The following PAN2 variants were observed in gnomAD, a reference collection of about 807,000 sequenced individuals.
The protein encoded by PAN2 is poly(A) specific ribonuclease subunit PAN2.
PAN2 carries 68 observed loss-of-function variants against 133.3 expected under a neutral mutation model. That is an observed-to-expected ratio of 0.51 (90% CI 0.42 to 0.62). PAN2 has a LOEUF of 0.62. PAN2 is among the 20% of genes least tolerant of loss of function. The pLI, the probability that PAN2 is intolerant of heterozygous loss-of-function variation, is 0.00. For missense variants in PAN2, 1,042 were observed against 1,500.5 expected (o/e 0.69, Z 5.05); for synonymous variants, 462 against 544.6 (o/e 0.85, Z 2.11).
At chr12:56,318,537 C>T in intron 24 of PAN2, 103 bp from the exon 25 acceptor site, 2 of 804,668 alleles carry the variant, frequency 2.5e-6, no homozygotes, top group East Asian at 2.5e-5. Context: ...GCCTGACTGC[C>T]CTTAAGGAAA....
intron 7 of PAN2, 41 bp from the exon 8 acceptor site, chr12:56,326,450 G>C: frequency 1.3e-6 from 2 of 1,547,668 alleles, no homozygotes; most frequent in Non-Finnish European, 1.8e-6. Context: ...GAGTTGTGGT[G>C]TACACTGGTC....
At chr12:56,318,955 T>A (rs920408219) in intron 24 of PAN2, 133 bp downstream of exon 24, 1 of 766,292 alleles carries the variant, frequency 1.3e-6, no homozygotes, top group African/African-American at 1.7e-5. Context: ...TGATTTTCTG[T>A]TTCTGAGTTA....
At chr12:56,332,607 A>C in intron 2 of PAN2, 1 of 548,504 alleles carries the variant, frequency 1.8e-6, no homozygotes, top group Non-Finnish European at 3.2e-6. Flanking sequence ...CTCGAAAAAA[A>C]AAAAAAAAAA....
At chr12:56,324,858 A>G (rs931826082) in intron 10 of PAN2, 149 bp from the exon 11 acceptor site, 1 of 1,350,578 alleles carries the variant, frequency 7.4e-7, no homozygotes, top group African/African-American at 1.5e-5. Context: ...CTCAGAGGAG[A>G]CTTGAAAGTT....
At chr12:56,328,793 C>T in intron 2 of PAN2, 152 bp from the exon 3 acceptor site, 2 of 604,996 alleles carry the variant, frequency 3.3e-6, no homozygotes, top group East Asian at 5.5e-5. Context: ...AGGAACCAGT[C>T]AATCTTAGTG....
At chr12:56,318,995 A>C in intron 24 of PAN2, 93 bp downstream of exon 24, 1 of 1,194,796 alleles carries the variant, frequency 8.4e-7, no homozygotes. Context: ...CCACAGCTCC[A>C]TCCATGTTGC....
At chr12:56,320,705 C>G (rs1255112633) in intron 20 of PAN2, among the ~76,000 whole-genome samples, 1 of 151,336 alleles carries the variant, frequency 6.6e-6, no homozygotes, top group Admixed American at 6.6e-5. Flanking sequence ...AACATCCCCC[C>G]CTCATCTCAT....
At position 56,317,546 on chromosome 12, in the gene PAN2, T is replaced by G. The variant is rs531451144; in HGVS notation, c.*63A>C. ...AAGGTATAGCCAACTTAGGAAGCCA[T>G]CTCCCAGTTCTGGGGCTATAGAACA... On this transcript the variant is annotated 3_prime_UTR_variant, in exon 26 of 26. Coordinates refer to ENST00000440411, the MANE Select transcript of PAN2 (RefSeq NM_014871.6). 3.3e-4 allele frequency: 480 copies of G among 1,450,822 alleles called. 3 individuals are homozygous for G. The highest frequency in any genetic ancestry group is 2.0e-4 in the Non-Finnish European group (205 of 1,033,466). The allele number at this position is 1,450,822 out of a possible 1,614,324, so 89.9% of individuals were successfully genotyped here. A position where few individuals can be genotyped will look rare whatever the true frequency, so the allele number is the denominator to read the frequency against.
intron 14 of PAN2, 44 bp downstream of exon 14, chr12:56,323,763 C>T (rs1368083168): frequency 6.6e-7 from 1 of 1,505,376 alleles, no homozygotes; most frequent in African/African-American, 1.4e-5. Context: ...GCTGAATCTC[C>T]ATGGCAGGAC....
rs561708228 is a variant in PAN2, at chr12:56,323,668, T to C, written c.2173-70A>G. The C allele has an allele frequency of 8.4e-4, 1,250 of 1,493,854 alleles. 6 individuals carry two copies. The highest frequency in any genetic ancestry group is 3.9e-3 in the Middle Eastern group (23 of 5,842). 92.5% of individuals were successfully genotyped at this position (1,493,854 alleles called of 1,614,324 possible). On this transcript the variant is annotated intron_variant, in intron 14 of 25. Transcript: ENST00000440411. ...AAAGGAGTCTGGACAGGGACCTGGG[T>C]CTGCGTCTTCAAACTGGGATTCCTC...
intron 10 of PAN2, 65 bp from the exon 11 acceptor site, chr12:56,324,774 T>A (rs1358572189): frequency 9.0e-6 from 14 of 1,550,124 alleles, no homozygotes; most frequent in Non-Finnish European, 1.1e-5. Flanking sequence ...AATATGGAGG[T>A]TAAGTGAGCT....
chr12:56,327,370 G>C lies in PAN2; in HGVS notation c.913C>G (p.Gln305Glu). 6.2e-7 allele frequency: 1 copy of C among 1,614,086 alleles called. No individual in the cohort carries two copies. The highest frequency in any genetic ancestry group is 8.5e-7 in the Non-Finnish European group (1 of 1,179,928). ...TCCCATATGCCCTTCATACCTGACT[G>C]AGAGATGATAGCAAGACGAGAAGTA... ...TYTSRLAIISQSGQCQFCEPT... is the reference protein window; with the variant it reads ...TYTSRLAIISESGQCQFCEPT... Residue 305 changes from glutamine (Q) to glutamate (E), a missense_variant, in exon 6 of 26, where the codon CAG becomes GAG. Around this residue, in one of 3 missense-constraint regions of PAN2, gnomAD observed 908 missense variants for 1,223.5 expected, o/e 0.74. Transcript: ENST00000440411.
At chr12:56,326,250 G>T in intron 8 of PAN2, 63 bp downstream of exon 8, 3 of 1,434,684 alleles carry the variant, frequency 2.1e-6, no homozygotes, top group South Asian at 1.3e-5. Flanking sequence ...GACTAGTAAA[G>T]GAAAAAGATA....
chr12:56,325,155 C>G lies in PAN2; in HGVS notation c.1480-27G>C, dbSNP rs117387592. The stretch of plus-strand genomic sequence containing the variant: ...TAAGGTAGAAATTGTCTGAGCAAGA[C>G]AAGGATATTCTCAGAGTCCCCAAAT... On this transcript the variant is annotated intron_variant, in intron 9 of 25. Coordinates refer to ENST00000440411, the MANE Select transcript of PAN2 (RefSeq NM_014871.6). 182 of 1,610,330 alleles carry G rather than the reference C, an allele frequency of 1.1e-4. 2 individuals carry two copies. The East Asian group carries it at 4.0e-3, about 35-fold the overall frequency.
At chr12:56,325,763 G>A (rs578256092) in intron 8 of PAN2, among the ~76,000 whole-genome samples, 9 of 152,264 alleles carry the variant, frequency 5.9e-5, no homozygotes, top group African/African-American at 1.2e-4. Flanking sequence ...TCAAAGCTTC[G>A]CAATCTGGCC....
rs1375045576 is a variant in PAN2, at chr12:56,324,154, C to A, written c.1960G>T (p.Gly654Trp). The A allele has an allele frequency of 6.2e-7, 1 of 1,613,958 alleles. No individual in the cohort carries two copies. The highest frequency in any genetic ancestry group is 8.5e-7 in the Non-Finnish European group (1 of 1,180,022). The change falls in exon 13 of 26, where the codon GGG becomes TGG. Residue 654 changes from glycine (G) to tryptophan (W), a missense_variant. Gly to Trp is a radical substitution (Grantham distance 184, BLOSUM62 -2). Coordinates refer to ENST00000440411, the MANE Select transcript of PAN2 (RefSeq NM_014871.6). ...TCCATCTCACAGCTGAAGAGCTGCC[C>A]AATAACAGAGTCCCCCGATGAGCAA... ...SFCSSGDSVIGQLFSCEMENC... is the reference protein window; with the variant it reads ...SFCSSGDSVIWQLFSCEMENC...
At chr12:56,322,807 G>C (rs767865291) in intron 17 of PAN2, 49 bp from the exon 18 acceptor site, 111 of 1,585,868 alleles carry the variant, frequency 7.0e-5, no homozygotes, top group Non-Finnish European at 9.4e-5. Context: ...GGATGGGGAA[G>C]GGAGGGGAAT....
chr12:56,328,237 C>T lies in PAN2; in HGVS notation c.573+1G>A. 1 of 1,589,150 alleles carries T rather than the reference C, an allele frequency of 6.3e-7. No individual in the cohort carries two copies. Among genetic ancestry groups the T allele is most frequent in the Non-Finnish European group, 8.6e-7 (1 of 1,166,020 alleles). On this transcript the variant is annotated splice_donor_variant, in intron 4 of 25. Transcript: ENST00000440411. LOFTEE classifies it high-confidence loss of function. ...AGGTCTTTCTTGCCCCAAGCTTGTA[C>T]CTTCTGAGTCTCCTGGACAGTGTTA...
Position 56,328,306 on chromosome 12 carries a change from G to C in PAN2, c.505C>G (p.Leu169Val). Residue 169 changes from leucine (L) to valine (V), a missense_variant, in exon 4 of 26, where the codon CTA (leucine) becomes GTA (valine). By Grantham distance (32) the Leu-to-Val change is conservative. Around this residue, in one of 3 missense-constraint regions of PAN2, gnomAD observed 908 missense variants for 1,223.5 expected, o/e 0.74. Transcript: ENST00000440411. ...TGATTCTGCAGCCCACCAACGAGTA[G>C]AGTGCTGCTGTCAGTCAGTAGGAGA... ...HSLLLTDSST[L>V]LVGGLQNHII... 1 of 1,610,020 alleles carries C rather than the reference G, an allele frequency of 6.2e-7. No individual in the cohort carries two copies. Among genetic ancestry groups the C allele is most frequent in the Non-Finnish European group, 8.5e-7 (1 of 1,177,714 alleles).
Sources: allele counts gnomAD v4.1 joint callset (sites outside exome capture counted in the v4.1 genomes callset), GRCh38; gene constraint gnomAD v4.1.1; regional missense constraint gnomAD v4.1.1; transcripts MANE v1.5; gene names NCBI Gene and HGNC (gene_info 2026-07-23, HGNC 2026-07-21).